The following ERCC8 variants were observed in gnomAD, a reference collection of about 807,000 sequenced individuals.
ERCC8 encodes DNA excision repair protein ERCC-8.
Under a neutral mutation model 54.9 loss-of-function variants are expected in ERCC8, and 52 were observed. The observed-to-expected ratio is 0.95, with a 90% CI of 0.76 to 1.19. ERCC8 has a LOEUF of 1.19. ERCC8 is among the 50% of genes most tolerant of loss of function. ERCC8 has a pLI of 0.00. For synonymous variants in ERCC8, 146 were observed against 157.2 expected (o/e 0.93, Z 0.53); for missense variants, 514 against 466.1 (o/e 1.10, Z -0.95).
intron 4 of ERCC8, among the ~76,000 whole-genome samples, chr5:60,915,015 A>G (rs746120563): frequency 3.3e-5 from 5 of 151,980 alleles, no homozygotes; most frequent in Non-Finnish European, 7.4e-5. Context: ...TTTGTTATTT[A>G]TATTTGTAAG....
At chr5:60,943,337 T>C (rs1024677396) in intron 1 of ERCC8, among the ~76,000 whole-genome samples, 1 of 152,224 alleles carries the variant, frequency 6.6e-6, no homozygotes, top group Admixed American at 6.5e-5. Context: ...AATCCTCACT[T>C]GGCACAGTCT....
At chr5:60,924,310 G>C (rs1294722119) in intron 2 of ERCC8, 1 of 152,644 alleles carries the variant, frequency 6.6e-6, no homozygotes, top group Non-Finnish European at 1.5e-5. Context: ...TTAAGTTGCT[G>C]TCTCTCTTGT....
intron 11 of ERCC8, among the ~76,000 whole-genome samples, chr5:60,881,852 GCTGCACCCACTGTC>G (rs1424450732): frequency 3.9e-5 from 6 of 152,234 alleles, no homozygotes; most frequent in East Asian, 1.9e-4. Flanking sequence ...TGCTCAGTGC[GCTGCACCCACTGTC>G]CTGCACCCAC....
chr5:60,910,058 A>G (rs934911905), intron 4 of ERCC8: 1 of 152,200 alleles, frequency 6.6e-6, no homozygotes, highest in Non-Finnish European at 1.5e-5. Context: ...CCAGAAGGCT[A>G]CCAATTAACA....
rs1252685943 is a variant in ERCC8, at chr5:60,904,630, GTGTGTATATATATATATATATATATA to G, written c.481+136_481+161del. 1.2e-3 allele frequency among the ~76,000 whole-genome samples: 53 copies of G among 44,580 alleles called. 1 individual carries two copies. The highest frequency in any genetic ancestry group is 3.5e-3 in the African/African-American group (37 of 10,436). 29.2% of individuals were successfully genotyped at this position (44,580 alleles called of 152,430 possible). On this transcript the variant is annotated intron_variant, in intron 5 of 11. Transcript: ENST00000676185. Reference sequence around the variant, plus strand: ...TCTGTTGAATATATATAGTGTGTGTGTGTGTATATATATATATATATATATATATATATATATATATATATATATAT... The same window carrying G: ...TCTGTTGAATATATATAGTGTGTGTGTATATATATATATATATATATATAT...
At chr5:60,928,715 C>T (rs4647064) in intron 2 of ERCC8, 149 bp downstream of exon 2, 16,478 of 569,340 alleles carry the variant, frequency 0.029, 318 homozygotes, top group Middle Eastern at 0.059. Flanking sequence ...TTTGTATTTA[C>T]TTGAAATTAA....
intron 1 of ERCC8, among the ~76,000 whole-genome samples, chr5:60,936,563 G>GA (rs1430887199): frequency 6.6e-6 from 1 of 151,756 alleles, no homozygotes; most frequent in African/African-American, 2.4e-5. Flanking sequence ...TCTTCTGTTG[G>GA]GTTTGGGTTT....
At chr5:60,881,189 A>G (rs1748208835) in intron 11 of ERCC8, among the ~76,000 whole-genome samples, 1 of 152,150 alleles carries the variant, frequency 6.6e-6, no homozygotes, top group Non-Finnish European at 1.5e-5. Context: ...ATTGGTGAAT[A>G]GCAAATGTTG....
intron 4 of ERCC8, among the ~76,000 whole-genome samples, chr5:60,912,878 A>G (rs1474620765): frequency 6.6e-6 from 1 of 152,064 alleles, no homozygotes; most frequent in Non-Finnish European, 1.5e-5. Flanking sequence ...GGTTCTGTTT[A>G]TGTGATGGAT....
In ERCC8 at chr5:60,872,291, C is replaced by T. The variant is rs1747879347; in HGVS notation, c.*2324G>A. Among the ~76,000 whole-genome samples, 1 of 151,958 alleles carries T rather than the reference C, an allele frequency of 6.6e-6. No individual in the cohort carries two copies. Among genetic ancestry groups the T allele is most frequent in the Admixed American group, 6.6e-5 (1 of 15,256 alleles). ...TCTCAAAAGCACAGTAACAAAAGCACAAGTACAGAAATGAAATTACATGAA... is the reference window on the plus strand; with the variant it reads ...TCTCAAAAGCACAGTAACAAAAGCATAAGTACAGAAATGAAATTACATGAA... On this transcript the variant is annotated 3_prime_UTR_variant, in exon 12 of 12. Coordinates refer to ENST00000676185, the MANE Select transcript of ERCC8 (RefSeq NM_000082.4).
chr5:60,929,596 G>A (rs1027899200), intron 1 of ERCC8, among the ~76,000 whole-genome samples: 6 of 151,998 alleles, frequency 3.9e-5, no homozygotes, highest in Non-Finnish European at 8.8e-5. Context: ...TAAAAGAAAA[G>A]AGACTATGTT....
At chr5:60,892,290 G>A in intron 9 of ERCC8, 1 of 556,940 alleles carries the variant, frequency 1.8e-6, no homozygotes, top group South Asian at 1.4e-5. Flanking sequence ...GGAGAATGGA[G>A]CAACTTGATC....
In ERCC8 at chr5:60,868,228, G is replaced by A. The variant is rs765735745; in HGVS notation, c.*6387C>T. On this transcript the variant is annotated 3_prime_UTR_variant, in exon 12 of 12. Coordinates refer to ENST00000676185, the MANE Select transcript of ERCC8 (RefSeq NM_000082.4). Reference sequence around the variant, plus strand: ...ACAAACTGTCAAGGCATAAAAACACGAGCAGCTTAATGAACTTAGTCTTAA... The same window carrying A: ...ACAAACTGTCAAGGCATAAAAACACAAGCAGCTTAATGAACTTAGTCTTAA... 6.6e-6 allele frequency among the ~76,000 whole-genome samples: 1 copy of A among 152,156 alleles called. No homozygotes were observed. Among genetic ancestry groups the A allele is most frequent in the African/African-American group, 2.4e-5 (1 of 41,430 alleles).
chr5:60,872,522 C>A lies in ERCC8; in HGVS notation c.*2093G>T, dbSNP rs1747884406. Among the ~76,000 whole-genome samples the A allele has an allele frequency of 6.6e-6, 1 of 152,066 alleles. No individual in the cohort carries two copies. The highest frequency in any genetic ancestry group is 2.4e-5 in the African/African-American group (1 of 41,414). The stretch of plus-strand genomic sequence containing the variant: ...CAAAAGAAGACATGCAAATGGCCAG[C>A]AGATATATGAAAAAATTATCAACAT... On this transcript the variant is annotated 3_prime_UTR_variant, in exon 12 of 12. Transcript: ENST00000676185.
At chr5:60,934,779 T>C (rs1750016163) in intron 1 of ERCC8, among the ~76,000 whole-genome samples, 1 of 152,254 alleles carries the variant, frequency 6.6e-6, no homozygotes, top group Non-Finnish European at 1.5e-5. Context: ...TTTTCCTCCA[T>C]GTGGCTTGCC....
At chr5:60,892,461 G>C in intron 9 of ERCC8, 1 of 563,116 alleles carries the variant, frequency 1.8e-6, no homozygotes, top group Non-Finnish European at 3.5e-6. Context: ...AGTGTGAGTG[G>C]GTGGTGGTGG....
At chr5:60,876,083 G>A (rs1022221146) in intron 11 of ERCC8, among the ~76,000 whole-genome samples, 88 of 151,736 alleles carry the variant, frequency 5.8e-4, no homozygotes, top group African/African-American at 2.0e-3. Flanking sequence ...CTGTGTCGAA[G>A]TGTTCTTACT....
At chr5:60,922,637 C>A (rs1282572558) in intron 2 of ERCC8, among the ~76,000 whole-genome samples, 1 of 152,002 alleles carries the variant, frequency 6.6e-6, no homozygotes, top group Non-Finnish European at 1.5e-5. Context: ...AATAAAAGTG[C>A]AAAATTCTTT....
At chr5:60,940,825 C>T (rs949269805) in intron 1 of ERCC8, among the ~76,000 whole-genome samples, 2 of 152,204 alleles carry the variant, frequency 1.3e-5, no homozygotes, top group Non-Finnish European at 2.9e-5. Flanking sequence ...AAAATATCAA[C>T]ATTCTTCATA....
Sources: allele counts gnomAD v4.1 joint callset (sites outside exome capture counted in the v4.1 genomes callset), GRCh38; gene constraint gnomAD v4.1.1; transcripts MANE v1.5; gene names NCBI Gene and HGNC (gene_info 2026-07-23, HGNC 2026-07-21).